Variants in SEL1L2 observed in about 807,000 individuals in gnomAD.
SEL1L2 encodes protein sel-1 homolog 2.
A neutral mutation model predicts 98.8 loss-of-function variants in SEL1L2; 89 were observed. The ratio of observed to expected loss-of-function variants is 0.90; its 90% CI spans 0.76 to 1.07. The LOEUF (loss-of-function observed/expected upper bound fraction) is 1.07, where lower values mean the gene tolerates loss of function less well. SEL1L2 is among the 50% of genes least tolerant of loss of function. The probability of loss-of-function intolerance (pLI) is 0.00; values close to 1 mark genes in which losing one functional copy is unlikely to be tolerated. For missense variants in SEL1L2, 788 were observed against 812.0 expected (o/e 0.97, Z 0.36); for synonymous variants, 262 against 278.5 (o/e 0.94, Z 0.59).
At chr20:13,992,711 T>A (rs936591302), upstream of SEL1L2, among the ~76,000 whole-genome samples, 1 of 152,172 alleles carries the variant, frequency 6.6e-6, no homozygotes, top group African/African-American at 2.4e-5. Flanking sequence ...ACTGGGTGAC[T>A]TTACACAGCA....
chr20:13,942,467 T>A (rs2049824221), intron 2 of SEL1L2, among the ~76,000 whole-genome samples: 1 of 152,134 alleles, frequency 6.6e-6, no homozygotes, highest in Non-Finnish European at 1.5e-5. Context: ...CCACCTGAGG[T>A]CTACAGAACC....
chr20:13,898,183 C>T (rs2047505529), intron 5 of SEL1L2, among the ~76,000 whole-genome samples: 1 of 152,124 alleles, frequency 6.6e-6, no homozygotes, highest in Non-Finnish European at 1.5e-5. Context: ...TAGTTTCCAC[C>T]CAGTAGGTGG....
At chr20:13,941,897 T>C (rs2049797765) in intron 2 of SEL1L2, among the ~76,000 whole-genome samples, 2 of 152,216 alleles carry the variant, frequency 1.3e-5, no homozygotes, top group Admixed American at 1.3e-4. Flanking sequence ...TCACTTACTT[T>C]TCCTAGGGCT....
intron 5 of SEL1L2, among the ~76,000 whole-genome samples, chr20:13,901,439 A>C (rs2047676862): frequency 6.6e-6 from 1 of 151,734 alleles, no homozygotes; most frequent in African/African-American, 2.4e-5. Flanking sequence ...CTATTCTGTA[A>C]CTTTTACTAT....
intron 6 of SEL1L2, 87 bp from the exon 7 acceptor site, chr20:13,888,088 T>C: frequency 1.8e-6 from 2 of 1,133,798 alleles, no homozygotes; most frequent in South Asian, 2.6e-5. Flanking sequence ...CCATTTTTAT[T>C]CCTAGCTCCA....
chr20:13,895,446 C>CT (rs2047380230), intron 5 of SEL1L2, among the ~76,000 whole-genome samples: 2 of 92,726 alleles, frequency 2.2e-5, no homozygotes, highest in African/African-American at 7.9e-5. Flanking sequence ...AGATCTTGTC[C>CT]TAAAAAAAAA....
At position 13,869,533 on chromosome 20, in the gene SEL1L2, C is replaced by A. The variant is rs757657729; in HGVS notation, c.1225G>T (p.Ala409Ser). 2.5e-6 allele frequency: 4 copies of A among 1,614,062 alleles called. No individual in the cohort carries two copies. The Admixed American group carries it at 5.0e-5, about 20-fold the overall frequency. ...TACATGAAGCCTAACTGGAACTGTG[C>A]GTCGGGCCACCCTTTTTCCGCAGCT... ...QKAAEKGWPD[A>S]QFQLGFMYYS... is the part of the protein sequence containing the mutation. Residue 409 changes from alanine (A) to serine (S), a missense_variant, in exon 14 of 20, where the codon GCA becomes TCA. Transcript: ENST00000284951.
chr20:13,852,313 T>C (rs78616716), intron 18 of SEL1L2, among the ~76,000 whole-genome samples: 7,321 of 152,258 alleles, frequency 0.048, 253 homozygotes, highest in Middle Eastern at 0.082. Flanking sequence ...TCACTCCTTG[T>C]CCAGGAGACC....
At chr20:13,957,581 C>G (rs1360285996) in intron 1 of SEL1L2, among the ~76,000 whole-genome samples, 1 of 152,096 alleles carries the variant, frequency 6.6e-6, no homozygotes, top group Non-Finnish European at 1.5e-5. Flanking sequence ...CTGGCAAATT[C>G]TAAATAAAAA....
chr20:13,900,689 T>TG (rs1250229971), intron 5 of SEL1L2, among the ~76,000 whole-genome samples: 1 of 152,202 alleles, frequency 6.6e-6, no homozygotes, highest in Non-Finnish European at 1.5e-5. Context: ...CTACACGCAA[T>TG]GATTCAGCTG....
intron 12 of SEL1L2, among the ~76,000 whole-genome samples, chr20:13,875,291 A>T (rs1445123102): frequency 6.6e-6 from 1 of 152,194 alleles, no homozygotes; most frequent in East Asian, 1.9e-4. Context: ...TTTTTGTAGA[A>T]ATGGGGTTTC....
chr20:13,899,636 G>T (rs929843092), intron 5 of SEL1L2, among the ~76,000 whole-genome samples: 1 of 152,042 alleles, frequency 6.6e-6, no homozygotes, highest in African/African-American at 2.4e-5. Flanking sequence ...TATACAGGGG[G>T]TGCCACCCTC....
At chr20:13,983,884 AC>A (rs779380760) in intron 1 of SEL1L2, among the ~76,000 whole-genome samples, 28 of 151,908 alleles carry the variant, frequency 1.8e-4, no homozygotes, top group Non-Finnish European at 3.5e-4. Context: ...TTCTCTATAC[AC>A]CCACAATTAA....
At chr20:13,895,083 AT>A (rs2148045844) in intron 5 of SEL1L2, among the ~76,000 whole-genome samples, 1 of 152,316 alleles carries the variant, frequency 6.6e-6, no homozygotes, top group Non-Finnish European at 1.5e-5. Context: ...TTCATGGCAC[AT>A]TAAAAGGATT....
At chr20:13,892,653 A>C (rs1314614164) in intron 5 of SEL1L2, among the ~76,000 whole-genome samples, 2 of 152,204 alleles carry the variant, frequency 1.3e-5, no homozygotes, top group Admixed American at 6.5e-5. Context: ...GAAAAAAATA[A>C]CAAAACAGCA....
At chr20:13,884,491 A>G (rs1212500790) in intron 10 of SEL1L2, among the ~76,000 whole-genome samples, 1 of 152,002 alleles carries the variant, frequency 6.6e-6, no homozygotes, top group Non-Finnish European at 1.5e-5. Flanking sequence ...TTGAATGGTT[A>G]ATTAACTTAT....
chr20:13,957,468 C>T (rs1301067970), intron 1 of SEL1L2, among the ~76,000 whole-genome samples: 3 of 152,180 alleles, frequency 2.0e-5, no homozygotes, highest in Non-Finnish European at 4.4e-5. Context: ...TTGGCAGCAG[C>T]CTCACAATTA....
At chr20:13,963,924 T>G (rs2050902439) in intron 1 of SEL1L2, among the ~76,000 whole-genome samples, 1 of 152,010 alleles carries the variant, frequency 6.6e-6, no homozygotes, top group Non-Finnish European at 1.5e-5. Context: ...CAGGCTGGAG[T>G]GCAAAGGCAC....
chr20:13,895,177 T>C (rs2047367699), intron 5 of SEL1L2, among the ~76,000 whole-genome samples: 1 of 152,186 alleles, frequency 6.6e-6, no homozygotes, highest in African/African-American at 2.4e-5. Context: ...GAGCAGTGGC[T>C]CATGCCTGTA....
Sources: gnomAD v4.1 joint callset for allele counts (sites outside exome capture counted in the v4.1 genomes callset) on GRCh38, gnomAD v4.1.1 for gene constraint, MANE v1.5 for transcripts, NCBI Gene and HGNC (gene_info 2026-07-23, HGNC 2026-07-21) for gene names.